Variants in TDG observed in about 807,000 individuals in gnomAD.
The protein encoded by TDG is thymine DNA glycosylase.
Under a neutral mutation model 46.1 loss-of-function variants are expected in TDG, and 23 were observed. The ratio of observed to expected loss-of-function variants is 0.50; its 90% CI spans 0.36 to 0.71. TDG has a LOEUF of 0.71. Ranked by LOEUF, TDG falls within the 30% of genes least tolerant of loss-of-function variation. TDG has a pLI of 0.00. For synonymous variants in TDG, 115 were observed against 161.3 expected, an observed-to-expected ratio of 0.71 and a Z score of 2.18; for missense variants, 304 against 486.7, an observed-to-expected ratio of 0.62 and a Z score of 3.53.
At chr12:103,968,684 A>G (rs1042313288) in intron 1 of TDG, among the ~76,000 whole-genome samples, 6 of 152,232 alleles carry the variant, frequency 3.9e-5, no homozygotes, top group Admixed American at 3.9e-4. Flanking sequence ...GAGAGGCCAG[A>G]TTAAAGCAGT....
chr12:103,974,916 A>T (rs1309088114), intron 1 of TDG, among the ~76,000 whole-genome samples: 1 of 147,776 alleles, frequency 6.8e-6, no homozygotes, highest in Non-Finnish European at 1.5e-5. Flanking sequence ...CGGAGCTTGC[A>T]GTGAGCCAAG....
intron 2 of TDG, among the ~76,000 whole-genome samples, chr12:103,979,492 T>C (rs1420139120): frequency 2.0e-5 from 3 of 152,200 alleles, no homozygotes; most frequent in African/African-American, 7.2e-5. Context: ...TAATTATTTA[T>C]GTATTTACAT....
intron 9 of TDG, chr12:103,986,135 T>A (rs375821453): frequency 5.4e-4 from 83 of 152,448 alleles, no homozygotes; most frequent in African/African-American, 1.0e-3. Flanking sequence ...GTTAGCCAGG[T>A]TGGTCTCGAT....
At chr12:103,968,923 G>A (rs1168234151) in intron 1 of TDG, among the ~76,000 whole-genome samples, 1 of 152,242 alleles carries the variant, frequency 6.6e-6, no homozygotes, top group Non-Finnish European at 1.5e-5. Context: ...GAAGTCAGGA[G>A]TTCAAGACCA....
Position 103,966,002 on chromosome 12 carries a change from G to A in TDG, c.-36G>A, listed in dbSNP as rs756493436. 1.1e-5 allele frequency: 18 copies of A among 1,590,060 alleles called. No individual in the cohort carries two copies. The East Asian group carries it at 3.5e-4, about 31-fold the overall frequency. Reference sequence around the variant, plus strand: ...ACAGAGACCGGCTGCCCGTGTGCCCGGCAGGTGGAGCCGCCCGCATCAGCG... The same window carrying A: ...ACAGAGACCGGCTGCCCGTGTGCCCAGCAGGTGGAGCCGCCCGCATCAGCG... On this transcript the variant is annotated 5_prime_UTR_variant, in exon 1 of 10. Coordinates refer to ENST00000392872, the MANE Select transcript of TDG (RefSeq NM_003211.6).
Position 103,987,231 on chromosome 12 carries a change from G to A in TDG, c.*141G>A. ...TGTAATGTAGAACAGTTGTGTGGTA[G>A]TGTGAACCGTATGAACCTAAGTAGT... On this transcript the variant is annotated 3_prime_UTR_variant, in exon 10 of 10. Coordinates refer to ENST00000392872, the MANE Select transcript of TDG (RefSeq NM_003211.6). 1 of 1,277,560 alleles carries A rather than the reference G, an allele frequency of 7.8e-7. No individual in the cohort carries two copies. The highest frequency in any genetic ancestry group is 1.1e-6 in the Non-Finnish European group (1 of 934,040). The allele number at this position is 1,277,560 out of a possible 1,614,324, so 79.1% of individuals were successfully genotyped here.
At position 103,965,924 on chromosome 12, in the gene TDG, A is replaced by G; in HGVS notation, c.-114A>G. 1 of 1,470,924 alleles carries G rather than the reference A, an allele frequency of 6.8e-7. No homozygotes were observed. The highest frequency in any genetic ancestry group is 1.4e-5 in the African/African-American group (1 of 71,816). 91.1% of individuals were successfully genotyped at this position (1,470,924 alleles called of 1,614,324 possible). A position where few individuals can be genotyped will look rare whatever the true frequency, so the allele number is the denominator to read the frequency against. ...AGCCACTGTCTGGGTACTGCCAGCCATCGGGCCCAGGTCTCTGGGGTTGTC... is the reference window on the plus strand; with the variant it reads ...AGCCACTGTCTGGGTACTGCCAGCCGTCGGGCCCAGGTCTCTGGGGTTGTC... On this transcript the variant is annotated 5_prime_UTR_variant, in exon 1 of 10. Coordinates refer to ENST00000392872, the MANE Select transcript of TDG (RefSeq NM_003211.6).
chr12:103,984,144 TTTC>T (rs1299694687), intron 7 of TDG, among the ~76,000 whole-genome samples: 2 of 152,246 alleles, frequency 1.3e-5, no homozygotes, highest in African/African-American at 4.8e-5. Context: ...TTGTTCATAA[TTTC>T]TTATAAATAT....
At chr12:103,966,327 T>C (rs1019692514) in intron 1 of TDG, among the ~76,000 whole-genome samples, 1 of 152,192 alleles carries the variant, frequency 6.6e-6, no homozygotes, top group Non-Finnish European at 1.5e-5. Flanking sequence ...AATATATTAG[T>C]AAGCATTCAG....
intron 2 of TDG, 26 bp downstream of exon 2, chr12:103,977,086 A>C: frequency 6.3e-7 from 1 of 1,586,562 alleles, no homozygotes; most frequent in African/African-American, 1.4e-5. Flanking sequence ...GAGCTTAGAA[A>C]GTTCAACATC....
At chr12:103,970,766 AAAAAT>A (rs1871251777) in intron 1 of TDG, among the ~76,000 whole-genome samples, 1 of 152,110 alleles carries the variant, frequency 6.6e-6, no homozygotes, top group African/African-American at 2.4e-5. Flanking sequence ...AAATAATTAA[AAAAAT>A]AAAAAAATAG....
At position 103,987,360 on chromosome 12, in the gene TDG, C is replaced by G. The variant is rs1411748772; in HGVS notation, c.*270C>G. 1 of 408,906 alleles carries G rather than the reference C, an allele frequency of 2.4e-6. No homozygotes were observed. The highest frequency in any genetic ancestry group is 4.5e-6 in the Non-Finnish European group (1 of 224,354). The allele number at this position is 408,906 out of a possible 1,614,324, so 25.3% of individuals were successfully genotyped here. A position where few individuals can be genotyped will look rare whatever the true frequency, so the allele number is the denominator to read the frequency against. ...TTTCATTTATGAAGAAATTGATTTTCTTTTGGGAGTCACTTTTAATCTGTA... is the reference window on the plus strand; with the variant it reads ...TTTCATTTATGAAGAAATTGATTTTGTTTTGGGAGTCACTTTTAATCTGTA... On this transcript the variant is annotated 3_prime_UTR_variant, in exon 10 of 10. Transcript: ENST00000392872.
intron 1 of TDG, among the ~76,000 whole-genome samples, chr12:103,972,203 C>T (rs1247761900): frequency 6.6e-6 from 1 of 152,130 alleles, no homozygotes; most frequent in Non-Finnish European, 1.5e-5. Flanking sequence ...ACTGCAGCCT[C>T]CGCCTCCCTA....
At chr12:103,985,024 C>T in intron 8 of TDG, 104 bp downstream of exon 8, 33 of 867,536 alleles carry the variant, frequency 3.8e-5, no homozygotes, top group Non-Finnish European at 5.1e-5. Context: ...TACACATATA[C>T]ATATGTGTGC....
intron 1 of TDG, among the ~76,000 whole-genome samples, chr12:103,972,805 G>C (rs944661805): frequency 5.9e-5 from 9 of 152,058 alleles, no homozygotes; most frequent in African/African-American, 2.2e-4. Flanking sequence ...TCAGCCAACT[G>C]TGATTTCTAG....
chr12:103,977,131 G>A, intron 2 of TDG, 71 bp downstream of exon 2: 1 of 1,550,676 alleles, frequency 6.4e-7, no homozygotes, highest in Non-Finnish European at 8.7e-7. Flanking sequence ...GGGTTTCATG[G>A]TGAATTTTAG....
intron 1 of TDG, among the ~76,000 whole-genome samples, chr12:103,976,408 CCA>C (rs144717913): frequency 0.065 from 9,504 of 147,008 alleles, 613 homozygotes; most frequent in African/African-American, 0.17. Flanking sequence ...CCCTGTCTCC[CCA>C]CACACACACA....
In TDG at chr12:103,988,451, T is replaced by C. The variant is rs553478755; in HGVS notation, c.*1361T>C. On this transcript the variant is annotated 3_prime_UTR_variant, in exon 10 of 10. Transcript: ENST00000392872. The stretch of plus-strand genomic sequence containing the variant: ...TTTCCTAGGTCAAGCTGTGTAAAAG[T>C]CATTTATGTTATTTAAATGATGTAC... The C allele has an allele frequency of 2.7e-4, 41 of 152,880 alleles. No homozygotes were observed. Among genetic ancestry groups the C allele is most frequent in the African/African-American group, 9.6e-4 (40 of 41,604 alleles). The allele number at this position is 152,880 out of a possible 1,614,324, so 9.5% of individuals were successfully genotyped here.
At chr12:103,984,251 A>T (rs1429048340) in intron 7 of TDG, among the ~76,000 whole-genome samples, 1 of 152,284 alleles carries the variant, frequency 6.6e-6, no homozygotes, top group Admixed American at 6.5e-5. Context: ...CACTACCTGT[A>T]GTGAATTGTA....
Sources: allele counts gnomAD v4.1 joint callset (sites outside exome capture counted in the v4.1 genomes callset), GRCh38; gene constraint gnomAD v4.1.1; transcripts MANE v1.5; gene names NCBI Gene and HGNC (gene_info 2026-07-23, HGNC 2026-07-21).